Variants in DDC observed in about 807,000 individuals in gnomAD.
DDC encodes dopa decarboxylase.
A neutral mutation model predicts 60.0 loss-of-function variants in DDC; 43 were observed. The observed-to-expected ratio is 0.72, with a 90% CI of 0.56 to 0.92. The LOEUF is 0.92. Among genes scored for constraint, DDC ranks in the 40% least tolerant of loss-of-function variants. DDC has a pLI of 0.00. For missense variants in DDC, 573 were observed against 620.2 expected (o/e 0.92, Z 0.81); for synonymous variants, 232 against 234.6 (o/e 0.99, Z 0.10).
chr7:50,539,863 C>A, intron 3 of DDC, 52 bp downstream of exon 3: 2 of 1,427,884 alleles, frequency 1.4e-6, no homozygotes, highest in Non-Finnish European at 9.8e-7. Context: ...GTCCCCACCC[C>A]GGGATCCCAC....
chr7:50,518,321 T>C (rs1287086150), intron 6 of DDC, among the ~76,000 whole-genome samples: 1 of 151,126 alleles, frequency 6.6e-6, no homozygotes, highest in Non-Finnish European at 1.5e-5. Context: ...CCAAAAGCAA[T>C]CTACAAATGC....
At chr7:50,505,809 G>C (rs2043378871) in intron 6 of DDC, among the ~76,000 whole-genome samples, 1 of 152,256 alleles carries the variant, frequency 6.6e-6, no homozygotes, top group Admixed American at 6.5e-5. Context: ...CTGTGTCACT[G>C]AGCTATGCCC....
intron 6 of DDC, among the ~76,000 whole-genome samples, chr7:50,518,488 A>G (rs1032933702): frequency 1.3e-5 from 2 of 152,238 alleles, no homozygotes; most frequent in African/African-American, 2.4e-5. Context: ...ATTTCAAACT[A>G]TACTATAAGG....
chr7:50,550,410 G>A (rs948902838), intron 1 of DDC, among the ~76,000 whole-genome samples: 1 of 152,180 alleles, frequency 6.6e-6, no homozygotes, highest in African/African-American at 2.4e-5. Flanking sequence ...AAAAATTCAT[G>A]CGACTCCCTT....
At chr7:50,510,841 C>T (rs1388063160) in intron 6 of DDC, among the ~76,000 whole-genome samples, 40 of 150,396 alleles carry the variant, frequency 2.7e-4, no homozygotes, top group African/African-American at 6.6e-4. Flanking sequence ...ATTAGCTGGG[C>T]GCGGTGGTGG....
chr7:50,512,483 T>G lies in DDC; in HGVS notation c.715-8424A>C, dbSNP rs372463354. ...TAAGGGTTGGACAGGAAAATACAGTTAATTTTGGTCAATTTTAGCTCTAGT... is the reference window on the plus strand; with the variant it reads ...TAAGGGTTGGACAGGAAAATACAGTGAATTTTGGTCAATTTTAGCTCTAGT... On this transcript the variant is annotated intron_variant, in intron 6 of 14. Coordinates refer to ENST00000444124, the MANE Select transcript of DDC (RefSeq NM_001082971.2). 2.0e-5 allele frequency among the ~76,000 whole-genome samples: 3 copies of G among 152,214 alleles called. No individual in the cohort carries two copies. In the East Asian group the frequency reaches 5.8e-4, roughly 29 times the overall value.
intron 9 of DDC, chr7:50,492,724 C>G: frequency 7.8e-7 from 1 of 1,279,540 alleles, no homozygotes. Context: ...GGCCTCATCC[C>G]TGTGTGTCCT....
At chr7:50,500,507 A>G (rs146559936) in intron 7 of DDC, among the ~76,000 whole-genome samples, 46 of 152,330 alleles carry the variant, frequency 3.0e-4, no homozygotes, top group Middle Eastern at 3.4e-3. Context: ...AGCTACAGGC[A>G]TGGACATCCC....
chr7:50,478,053 AAT>A (rs1289241974), intron 10 of DDC, among the ~76,000 whole-genome samples: 1 of 136,758 alleles, frequency 7.3e-6, no homozygotes, highest in Non-Finnish European at 1.6e-5. Flanking sequence ...AAAAAAAAAA[AAT>A]ACAAAAAATT....
chr7:50,546,320 G>A (rs1180412007), intron 1 of DDC, among the ~76,000 whole-genome samples: 1 of 152,190 alleles, frequency 6.6e-6, no homozygotes, highest in Admixed American at 6.5e-5. Context: ...TGTTGCAAAA[G>A]GGGAGGGGCT....
At chr7:50,500,945 T>C (rs2043238454) in intron 7 of DDC, among the ~76,000 whole-genome samples, 1 of 152,248 alleles carries the variant, frequency 6.6e-6, no homozygotes, top group Admixed American at 6.5e-5. Flanking sequence ...TGCATGGAGC[T>C]GTGGGCATGC....
At chr7:50,524,815 C>T (rs1236210507) in intron 6 of DDC, among the ~76,000 whole-genome samples, 2 of 152,192 alleles carry the variant, frequency 1.3e-5, no homozygotes, top group Non-Finnish European at 1.5e-5. Context: ...CCCTTAATTG[C>T]ACTCTTAGGC....
chr7:50,460,329 C>T (rs2042240845), intron 14 of DDC, among the ~76,000 whole-genome samples: 1 of 148,122 alleles, frequency 6.8e-6, no homozygotes, highest in Admixed American at 6.6e-5. Flanking sequence ...AGCCCCTCTG[C>T]CCGGCCAGCC....
In DDC at chr7:50,476,440, A is replaced by G. The variant is rs745042; in HGVS notation, c.1041+184T>C. Reference sequence around the variant, plus strand: ...CCTCCTAACCTGAGACCTCTGACTGAGGGGTTCAGCAGAGCTGCCCGCCAC... The same window carrying G: ...CCTCCTAACCTGAGACCTCTGACTGGGGGGTTCAGCAGAGCTGCCCGCCAC... On this transcript the variant is annotated intron_variant, in intron 11 of 14. Coordinates refer to ENST00000444124, the MANE Select transcript of DDC (RefSeq NM_001082971.2). Among the ~76,000 whole-genome samples, 117,630 of 152,142 alleles carry G rather than the reference A, an allele frequency of 0.77. 45,670 individuals carry two copies. Among genetic ancestry groups the G allele is most frequent in the Admixed American group, 0.84 (12,781 of 15,296 alleles).
intron 6 of DDC, 105 bp downstream of exon 6, chr7:50,528,032 G>A (rs2044087201): frequency 2.2e-6 from 3 of 1,335,154 alleles, no homozygotes; most frequent in Non-Finnish European, 2.1e-6. Flanking sequence ...GAGTAGCTGG[G>A]ATTACAAGAA....
At chr7:50,553,350 G>A (rs911835305) in intron 1 of DDC, among the ~76,000 whole-genome samples, 6 of 152,194 alleles carry the variant, frequency 3.9e-5, no homozygotes, top group East Asian at 1.9e-4. Flanking sequence ...CAGAAAACAC[G>A]TAAGCTTTTG....
At chr7:50,495,535 G>A (rs537743615) in intron 8 of DDC, 118 bp from the exon 9 acceptor site, 6 of 824,202 alleles carry the variant, frequency 7.3e-6, no homozygotes, top group African/African-American at 6.8e-5. Flanking sequence ...AGTGGTAGGG[G>A]CCAGGTAGGG....
intron 6 of DDC, among the ~76,000 whole-genome samples, chr7:50,509,300 G>C (rs1361084603): frequency 6.6e-6 from 1 of 152,008 alleles, no homozygotes; most frequent in Admixed American, 6.6e-5. Flanking sequence ...TGGTCTTTAG[G>C]GCAAAATTCC....
At chr7:50,504,605 A>G (rs866327472) in intron 6 of DDC, among the ~76,000 whole-genome samples, 10 of 151,582 alleles carry the variant, frequency 6.6e-5, no homozygotes, top group African/African-American at 1.2e-4. Flanking sequence ...CTATATATAT[A>G]TGTGTGTGTA....
Sources: allele counts gnomAD v4.1 joint callset (sites outside exome capture counted in the v4.1 genomes callset), GRCh38; gene constraint gnomAD v4.1.1; transcripts MANE v1.5; gene names NCBI Gene and HGNC (gene_info 2026-07-23, HGNC 2026-07-21).